Variants in ST18 observed in about 807,000 individuals in gnomAD.
The protein encoded by ST18 is suppression of tumorigenicity 18 protein.
A neutral mutation model predicts 110.0 loss-of-function variants in ST18; 50 were observed. That is an observed-to-expected ratio of 0.45 (90% CI 0.36 to 0.58). ST18 has a LOEUF of 0.58. Ranked by LOEUF, ST18 falls within the 20% of genes least tolerant of loss-of-function variation. The pLI, the probability that ST18 is intolerant of heterozygous loss-of-function variation, is 0.00. For missense variants in ST18, 1,306 were observed against 1,280.1 expected (o/e 1.02, Z -0.31); for synonymous variants, 461 against 452.4 (o/e 1.02, Z -0.24).
intron 16 of ST18, among the ~76,000 whole-genome samples, chr8:52,148,014 A>G (rs928893621): frequency 1.3e-5 from 2 of 152,142 alleles, no homozygotes; most frequent in African/African-American, 2.4e-5. Context: ...ACACTGACAG[A>G]CTTTTAGATG....
chr8:52,162,473 C>A (rs1049210959), intron 13 of ST18, among the ~76,000 whole-genome samples: 4 of 152,140 alleles, frequency 2.6e-5, no homozygotes, highest in African/African-American at 7.2e-5. Flanking sequence ...TCTTCCTGGG[C>A]TTTTCACCTT....
chr8:52,300,649 C>T (rs943781250), intron 2 of ST18, among the ~76,000 whole-genome samples: 5 of 152,084 alleles, frequency 3.3e-5, no homozygotes, highest in Non-Finnish European at 5.9e-5. Flanking sequence ...TTTCATGACA[C>T]ATGAAAATTA....
At position 52,196,011 on chromosome 8, in the gene ST18, TA is replaced by T. The variant is rs200496627; in HGVS notation, c.87-15700del. 9.8e-4 allele frequency among the ~76,000 whole-genome samples: 149 copies of T among 152,336 alleles called. 1 individual carries two copies. In the East Asian group the frequency reaches 0.028, roughly 29 times the overall value. Reference sequence around the variant, plus strand: ...GAAGAAAATAAAATGTTCCCTCATTTAGTATTTCATCTAATTTGAAATAGCA... The same window carrying T: ...GAAGAAAATAAAATGTTCCCTCATTTGTATTTCATCTAATTTGAAATAGCA... On this transcript the variant is annotated intron_variant, in intron 8 of 25. Coordinates refer to ENST00000689386, the MANE Select transcript of ST18 (RefSeq NM_001352837.2).
At chr8:52,159,825 C>G (rs1360704373) in intron 14 of ST18, among the ~76,000 whole-genome samples, 1 of 152,076 alleles carries the variant, frequency 6.6e-6, no homozygotes, top group Non-Finnish European at 1.5e-5. Flanking sequence ...TTGTGGGTAC[C>G]AAGGCATTAC....
intron 2 of ST18, among the ~76,000 whole-genome samples, chr8:52,357,671 CTATAAATATATATATATATA>C (rs1165868994): frequency 5.0e-5 from 3 of 59,992 alleles, no homozygotes; most frequent in African/African-American, 1.6e-4. Context: ...TCCCCAAAAT[CTATAAATATATATATATATA>C]TATATATATA....
chr8:52,162,210 C>CA (rs929584091), intron 13 of ST18, among the ~76,000 whole-genome samples: 18 of 150,942 alleles, frequency 1.2e-4, no homozygotes, highest in African/African-American at 2.7e-4. Context: ...GACTCCATCT[C>CA]AAAAAAAACA....
At chr8:52,358,657 G>A (rs1824267560) in intron 2 of ST18, among the ~76,000 whole-genome samples, 2 of 151,772 alleles carry the variant, frequency 1.3e-5, no homozygotes, top group South Asian at 4.2e-4. Flanking sequence ...AGAAGAAATA[G>A]AAAAGCTTGA....
chr8:52,178,443 A>T lies in ST18; in HGVS notation c.277+1679T>A, dbSNP rs143587423. On this transcript the variant is annotated intron_variant, in intron 9 of 25. Coordinates refer to ENST00000689386, the MANE Select transcript of ST18 (RefSeq NM_001352837.2). ...GGAGTTTGAGACCAGCTTAGCCAAC[A>T]TAGTGAAACCCTGTCTCTACCAAAA... Among the ~76,000 whole-genome samples, 1,432 of 151,768 alleles carry T rather than the reference A, an allele frequency of 9.4e-3. 19 individuals carry two copies. Among genetic ancestry groups the T allele is most frequent in the Middle Eastern group, 0.027 (8 of 294 alleles).
chr8:52,142,424 G>A (rs2055512950), intron 17 of ST18, among the ~76,000 whole-genome samples: 1 of 152,150 alleles, frequency 6.6e-6, no homozygotes, highest in South Asian at 2.1e-4. Flanking sequence ...ATTTATATAT[G>A]AGTAGACTTG....
chr8:52,356,890 G>T (rs1365953494), intron 2 of ST18, among the ~76,000 whole-genome samples: 20 of 152,186 alleles, frequency 1.3e-4, no homozygotes. Context: ...GCAGGCAGAA[G>T]AAATAATTCA....
intron 18 of ST18, 55 bp from the exon 19 acceptor site, chr8:52,136,713 G>T: frequency 6.9e-7 from 1 of 1,450,098 alleles, no homozygotes; most frequent in Non-Finnish European, 9.5e-7. Flanking sequence ...ACAAATCTGA[G>T]TCAAATGGCA....
chr8:52,166,655 TG>T (rs1356904604), intron 11 of ST18, among the ~76,000 whole-genome samples, 196 bp downstream of exon 11: 1 of 152,262 alleles, frequency 6.6e-6, no homozygotes, highest in Non-Finnish European at 1.5e-5. Context: ...AATTGTCTCT[TG>T]ATCTGTTGGC....
intron 23 of ST18, among the ~76,000 whole-genome samples, chr8:52,121,786 T>C (rs979264762): frequency 1.3e-5 from 2 of 152,170 alleles, no homozygotes; most frequent in Non-Finnish European, 2.9e-5. Context: ...TCTAGTAGAG[T>C]GTTGGACTAG....
chr8:52,196,184 C>T (rs561532809), intron 8 of ST18, among the ~76,000 whole-genome samples: 1 of 152,136 alleles, frequency 6.6e-6, no homozygotes, highest in Non-Finnish European at 1.5e-5. Context: ...CTTGTCTCTC[C>T]CCTTCTTTTC....
At chr8:52,349,071 A>T (rs1285587920) in intron 2 of ST18, among the ~76,000 whole-genome samples, 1 of 152,054 alleles carries the variant, frequency 6.6e-6, no homozygotes, top group Non-Finnish European at 1.5e-5. Context: ...TCCACATATG[A>T]GTGAGACTGT....
chr8:52,328,434 G>A (rs760177989), intron 2 of ST18, among the ~76,000 whole-genome samples: 12 of 152,176 alleles, frequency 7.9e-5, no homozygotes, highest in Non-Finnish European at 1.2e-4. Context: ...TAATGATGGT[G>A]ATAATAATAA....
chr8:52,369,286 T>C (rs1303445277), intron 2 of ST18, among the ~76,000 whole-genome samples: 1 of 152,152 alleles, frequency 6.6e-6, no homozygotes, highest in South Asian at 2.1e-4. Flanking sequence ...CAGCCTCCCT[T>C]GTAATTAGTT....
At position 52,409,455 on chromosome 8, in the gene ST18, AAAG is replaced by A. The variant is rs1845650143; in HGVS notation, c.-589-6_-589-4del. 6.6e-6 allele frequency: 1 copy of A among 152,192 alleles called. No homozygotes were observed. Among genetic ancestry groups the A allele is most frequent in the African/African-American group, 2.4e-5 (1 of 41,440 alleles). The allele number at this position is 152,192 out of a possible 1,614,324, so 9.4% of individuals were successfully genotyped here. On this transcript the variant is annotated splice_polypyrimidine_tract_variant and splice_region_variant and intron_variant, in intron 1 of 25. Coordinates refer to ENST00000689386, the MANE Select transcript of ST18 (RefSeq NM_001352837.2). ...CCATTCAGAAATTTTATTATTTTCT[AAAG>A]AAGAAAAAAAATATGATGTGAAAAT... is the stretch of plus-strand genomic sequence containing the variant.
At chr8:52,234,133 C>T (rs1474914555) in intron 2 of ST18, among the ~76,000 whole-genome samples, 1 of 152,140 alleles carries the variant, frequency 6.6e-6, no homozygotes, top group Non-Finnish European at 1.5e-5. Context: ...CATGTGCAGG[C>T]ATTTCCAAAA....
Sources: gnomAD v4.1 joint callset for allele counts (sites outside exome capture counted in the v4.1 genomes callset) on GRCh38, gnomAD v4.1.1 for gene constraint, MANE v1.5 for transcripts, NCBI Gene and HGNC (gene_info 2026-07-23, HGNC 2026-07-21) for gene names.